Variants in ARFGEF3 observed in about 807,000 individuals in gnomAD.
ARFGEF3 encodes ARFGEF family member 3, also known as brefeldin A-inhibited guanine nucleotide-exchange protein 3.
ARFGEF3 carries 96 observed loss-of-function variants against 221.7 expected under a neutral mutation model. The observed-to-expected ratio is 0.43, with a 90% CI of 0.37 to 0.51. ARFGEF3 has a LOEUF of 0.51. ARFGEF3 is among the 20% of genes least tolerant of loss of function. The pLI, the probability that ARFGEF3 is intolerant of heterozygous loss-of-function variation, is 0.00. For missense variants in ARFGEF3, 2,410 were observed against 2,789.9 expected, an observed-to-expected ratio of 0.86 and a Z score of 3.07; for synonymous variants, 1,145 against 1,126.8, an observed-to-expected ratio of 1.02 and a Z score of -0.32.
chr6:138,234,293 A>C (rs907908593), intron 5 of ARFGEF3, among the ~76,000 whole-genome samples: 32 of 152,196 alleles, frequency 2.1e-4, no homozygotes, highest in African/African-American at 7.0e-4. Context: ...AACTTAAGCC[A>C]AGAAGACCAT....
chr6:138,162,020 C>T lies in ARFGEF3; in HGVS notation c.-67C>T. 1 of 1,226,846 alleles carries T rather than the reference C, an allele frequency of 8.2e-7. No individual in the cohort carries two copies. Among genetic ancestry groups the T allele is most frequent in the East Asian group, 3.5e-5 (1 of 28,464 alleles). 76.0% of individuals were successfully genotyped at this position (1,226,846 alleles called of 1,614,324 possible). ...GGCGCCCAGGGCCAGGCAGCGGCGG[C>T]TTCCCCGGCCCGGCTCGCCCGCGCT... On this transcript the variant is annotated 5_prime_UTR_variant, in exon 1 of 34. Coordinates refer to ENST00000251691, the MANE Select transcript of ARFGEF3 (RefSeq NM_020340.5). This position sits in a 1 kb window ranked among gnomAD's most constrained non-coding sequence, Gnocchi z 4.7.
intron 29 of ARFGEF3, among the ~76,000 whole-genome samples, chr6:138,322,828 C>T (rs1034880506): frequency 4.0e-5 from 6 of 149,912 alleles, no homozygotes; most frequent in Non-Finnish European, 8.9e-5. Context: ...GGGATTCTGT[C>T]ATTTACAACA....
Position 138,339,674 on chromosome 6 carries a change from T to C in ARFGEF3, c.*3188T>C, listed in dbSNP as rs1780392048. 1 of 152,228 alleles carries C rather than the reference T, an allele frequency of 6.6e-6. No individual in the cohort carries two copies. The highest frequency in any genetic ancestry group is 1.5e-5 in the Non-Finnish European group (1 of 68,054). The allele number at this position is 152,228 out of a possible 1,614,324, so 9.4% of individuals were successfully genotyped here. ...GTATATGGAGGGACAGAGTTCTCTC[T>C]GTCATTAATGAGGACATCGGTTTTC... On this transcript the variant is annotated 3_prime_UTR_variant, in exon 34 of 34. Coordinates refer to ENST00000251691, the MANE Select transcript of ARFGEF3 (RefSeq NM_020340.5).
At chr6:138,244,274 C>G (rs959574951) in intron 7 of ARFGEF3, among the ~76,000 whole-genome samples, 2 of 152,236 alleles carry the variant, frequency 1.3e-5, no homozygotes, top group Non-Finnish European at 2.9e-5. Flanking sequence ...CTTACTTTCT[C>G]TCTTACACAT....
chr6:138,264,166 G>A (rs190547093), intron 12 of ARFGEF3, among the ~76,000 whole-genome samples: 39 of 152,208 alleles, frequency 2.6e-4, no homozygotes, highest in African/African-American at 8.2e-4. Context: ...GACTCAGACC[G>A]TAAACAGTGG....
Position 138,161,983 on chromosome 6 carries a change from G to T in ARFGEF3, c.-104G>T. 1 of 511,824 alleles carries T rather than the reference G, an allele frequency of 2.0e-6. No homozygotes were observed. 31.7% of individuals were successfully genotyped at this position (511,824 alleles called of 1,614,324 possible). A position where few individuals can be genotyped will look rare whatever the true frequency, so the allele number is the denominator to read the frequency against. ...GCCGGGGCGGCATGGGGGCGCGCGCGGCGGCCGCCTAGGCGCCCAGGGCCA... is the reference window on the plus strand; with the variant it reads ...GCCGGGGCGGCATGGGGGCGCGCGCTGCGGCCGCCTAGGCGCCCAGGGCCA... On this transcript the variant is annotated 5_prime_UTR_variant, in exon 1 of 34. Transcript: ENST00000251691.
rs1416404754 is a variant in ARFGEF3, at chr6:138,340,194, C to T, written c.*3708C>T. On this transcript the variant is annotated 3_prime_UTR_variant, in exon 34 of 34. Coordinates refer to ENST00000251691, the MANE Select transcript of ARFGEF3 (RefSeq NM_020340.5). ...GCAGTCAGCCAAGATTGTTCTGCAGCATGGGTGACAAAGTGAGACTTCGTC... is the reference window on the plus strand; with the variant it reads ...GCAGTCAGCCAAGATTGTTCTGCAGTATGGGTGACAAAGTGAGACTTCGTC... 1.3e-5 allele frequency: 2 copies of T among 152,204 alleles called. No homozygotes were observed. The highest frequency in any genetic ancestry group is 1.5e-5 in the Non-Finnish European group (1 of 68,030). 9.4% of individuals were successfully genotyped at this position (152,204 alleles called of 1,614,324 possible).
At chr6:138,188,303 G>A (rs1158645113) in intron 2 of ARFGEF3, among the ~76,000 whole-genome samples, 1 of 152,124 alleles carries the variant, frequency 6.6e-6, no homozygotes, top group Admixed American at 6.5e-5. Flanking sequence ...GGCAGACTTA[G>A]GTTCCCCCCC....
intron 33 of ARFGEF3, 87 bp downstream of exon 33, chr6:138,335,275 G>C (rs1331215424): frequency 1.5e-6 from 2 of 1,342,988 alleles, no homozygotes; most frequent in Non-Finnish European, 2.0e-6. Context: ...GCATACACAG[G>C]CTAAGATTTA....
intron 12 of ARFGEF3, among the ~76,000 whole-genome samples, chr6:138,276,676 T>C (rs1407790617): frequency 2.0e-5 from 3 of 152,218 alleles, no homozygotes; most frequent in Non-Finnish European, 4.4e-5. Context: ...TTCGTTTTTT[T>C]GTTTTTTGAG....
At position 138,341,527 on chromosome 6, in the gene ARFGEF3, T is replaced by C. The variant is rs897450210; in HGVS notation, c.*5041T>C. 7 of 154,450 alleles carry C rather than the reference T, an allele frequency of 4.5e-5. No individual in the cohort carries two copies. The highest frequency in any genetic ancestry group is 1.4e-4 in the African/African-American group (6 of 41,520). The allele number at this position is 154,450 out of a possible 1,614,324, so 9.6% of individuals were successfully genotyped here. A position where few individuals can be genotyped will look rare whatever the true frequency, so the allele number is the denominator to read the frequency against. On this transcript the variant is annotated 3_prime_UTR_variant, in exon 34 of 34. Transcript: ENST00000251691. ...TAGGTGACCCCAGGGAGATTTAGTG[T>C]GGCCTTAGGAAAGCAAAAGAGCACT...
At chr6:138,313,662 C>T (rs773113620) in intron 25 of ARFGEF3, 133 bp from the exon 26 acceptor site, 8 of 739,448 alleles carry the variant, frequency 1.1e-5, no homozygotes, top group African/African-American at 5.3e-5. Flanking sequence ...ATCCAAATCA[C>T]GAATAATCAA....
At chr6:138,336,060 G>A (rs917642081) in intron 33 of ARFGEF3, among the ~76,000 whole-genome samples, 1 of 152,144 alleles carries the variant, frequency 6.6e-6, no homozygotes, top group African/African-American at 2.4e-5. Context: ...TTAGTAGTTT[G>A]TGAAAGCTGA....
intron 17 of ARFGEF3, among the ~76,000 whole-genome samples, chr6:138,288,122 G>A (rs932029571): frequency 2.6e-5 from 4 of 151,982 alleles, no homozygotes; most frequent in South Asian, 2.1e-4. Flanking sequence ...AGTGGCTTAC[G>A]CCTGTAATCC....
chr6:138,311,341 G>A (rs1404770748), intron 24 of ARFGEF3, 66 bp from the exon 25 acceptor site: 6 of 943,234 alleles, frequency 6.4e-6, no homozygotes, highest in Admixed American at 6.3e-5. Context: ...GAGTAAACAG[G>A]TCTCCTGTTA....
intron 16 of ARFGEF3, 41 bp downstream of exon 16, chr6:138,286,957 A>C: frequency 6.2e-7 from 1 of 1,604,962 alleles, no homozygotes; most frequent in Non-Finnish European, 8.5e-7. Flanking sequence ...GGTCCTGCAG[A>C]ACTCACTGGG....
rs952875285 is a variant in ARFGEF3 at position 138,285,868 on chromosome 6, G to T, written c.2462-78G>T. The T allele has an allele frequency of 5.0e-6, 4 of 793,898 alleles. No individual in the cohort carries two copies. In the African/African-American group the frequency reaches 5.1e-5, roughly 10 times the overall value. The allele number at this position is 793,898 out of a possible 1,614,324, so 49.2% of individuals were successfully genotyped here. On this transcript the variant is annotated intron_variant, in intron 14 of 33. Coordinates refer to ENST00000251691, the MANE Select transcript of ARFGEF3 (RefSeq NM_020340.5). ...GATACAAGGGATATTTGTTAAAAAT[G>T]AATATTGTGGTGGCCATTTGCTTGT...
At chr6:138,260,283 A>G (rs1400188523) in intron 10 of ARFGEF3, among the ~76,000 whole-genome samples, 1 of 152,244 alleles carries the variant, frequency 6.6e-6, no homozygotes, top group African/African-American at 2.4e-5. Flanking sequence ...GGAAAAGAGG[A>G]GAGCTACTTA....
Position 138,229,835 on chromosome 6 carries a change from G to T in ARFGEF3, c.403G>T (p.Val135Leu). Reference sequence around the variant, plus strand: ...AACATTTGATCTGAATGGGAGTGCCGTGCTGAAGATCGCGGAGGTGAGTAC... The same window carrying T: ...AACATTTGATCTGAATGGGAGTGCCTTGCTGAAGATCGCGGAGGTGAGTAC... ...TPTFDLNGSA[V>L]LKIAEVCIET... The change falls in exon 5 of 34, where the codon GTG becomes TTG. Residue 135 changes from valine to leucine, a missense_variant. Val to Leu is a conservative substitution (Grantham distance 32, BLOSUM62 1). Coordinates refer to ENST00000251691, the MANE Select transcript of ARFGEF3 (RefSeq NM_020340.5). 1.2e-6 allele frequency: 2 copies of T among 1,613,580 alleles called. No individual in the cohort carries two copies. The highest frequency in any genetic ancestry group is 1.7e-6 in the Non-Finnish European group (2 of 1,179,632).
Sources: gnomAD v4.1 joint callset for allele counts (sites outside exome capture counted in the v4.1 genomes callset) on GRCh38, gnomAD v4.1.1 for gene constraint, Gnocchi (gnomAD v3.1) non-coding constraint, MANE v1.5 for transcripts, NCBI Gene and HGNC (gene_info 2026-07-23, HGNC 2026-07-21) for gene names.